Variants in TSPAN4 observed in about 807,000 individuals in gnomAD.
TSPAN4 encodes tetraspanin 4, also known as tetraspanin-4.
A neutral mutation model predicts 31.5 loss-of-function variants in TSPAN4; 38 were observed. The observed-to-expected ratio is 1.21, with a 90% confidence interval of 0.93 to 1.58. The LOEUF (loss-of-function observed/expected upper bound fraction) is 1.58. TSPAN4 is among the 40% of genes most tolerant of loss of function. The pLI is 0.00. For synonymous variants in TSPAN4, 186 were observed against 144.6 expected (o/e 1.29, Z -2.06); for missense variants, 330 against 317.3 (o/e 1.04, Z -0.30).
intron 3 of TSPAN4, among the ~76,000 whole-genome samples, chr11:859,236 C>T (rs1461898515): frequency 1.6e-5 from 2 of 124,580 alleles, no homozygotes; most frequent in Non-Finnish European, 1.7e-5. Context: ...CACTCATCCC[C>T]GCTCACACAC....
At chr11:850,407 G>A in intron 3 of TSPAN4, 40 bp downstream of exon 3, 2 of 1,566,782 alleles carry the variant, frequency 1.3e-6, no homozygotes, top group Non-Finnish European at 1.7e-6. Flanking sequence ...GGAAAGACCC[G>A]GGGTCCCTCC....
At chr11:850,077 C>G in intron 2 of TSPAN4, 1 of 405,598 alleles carries the variant, frequency 2.5e-6, no homozygotes, top group Admixed American at 4.6e-5. Flanking sequence ...CAGCCCCTCT[C>G]CGGAGGGCAA....
chr11:845,245 C>A (rs551659705), intron 1 of TSPAN4, among the ~76,000 whole-genome samples: 1 of 152,292 alleles, frequency 6.6e-6, no homozygotes, highest in Non-Finnish European at 1.5e-5. Context: ...GGGGTGGGTG[C>A]ACACGGCGCC....
chr11:864,129 AC>A, intron 4 of TSPAN4: 1 of 460,868 alleles, frequency 2.2e-6, no homozygotes, highest in Non-Finnish European at 4.0e-6. Flanking sequence ...GGCCTCAGGA[AC>A]AGGGATTTGT....
At chr11:849,961 G>A (rs1847563840) in intron 2 of TSPAN4, 1 of 154,654 alleles carries the variant, frequency 6.5e-6, no homozygotes, top group Non-Finnish European at 1.4e-5. Flanking sequence ...GCGCCGGCCG[G>A]CGGGATGGGG....
At position 846,225 on chromosome 11, in the gene TSPAN4, G is replaced by A. The variant is rs141278726; in HGVS notation, c.-117-976G>A. Reference sequence around the variant, plus strand: ...TGCTGCCCTGCTGCTGGGGCTCAGAGAGGCTGCTCCACGGGCATGGCACCC... The same window carrying A: ...TGCTGCCCTGCTGCTGGGGCTCAGAAAGGCTGCTCCACGGGCATGGCACCC... On this transcript the variant is annotated intron_variant, in intron 1 of 8. Transcript: ENST00000397397. Among the ~76,000 whole-genome samples the A allele has an allele frequency of 5.5e-4, 84 of 152,362 alleles. 1 individual carries two copies. In the East Asian group the frequency reaches 0.016, roughly 28 times the overall value.
chr11:852,130 T>C (rs552226401), intron 3 of TSPAN4, among the ~76,000 whole-genome samples: 3 of 152,158 alleles, frequency 2.0e-5, no homozygotes, highest in South Asian at 4.1e-4. Context: ...TTCTCTCTTT[T>C]TTATCTTTGT....
intron 3 of TSPAN4, chr11:857,917 G>C (rs894991606): frequency 1.3e-5 from 2 of 152,278 alleles, no homozygotes; most frequent in African/African-American, 4.8e-5. Context: ...CTGGTGATCT[G>C]GACCCAGGGC....
rs569721533 is a variant in TSPAN4 at position 848,248 on chromosome 11, C to T, written c.-18+948C>T. Among the ~76,000 whole-genome samples the T allele has an allele frequency of 1.0e-3, 158 of 152,240 alleles. No individual in the cohort carries two copies. Among genetic ancestry groups the T allele is most frequent in the African/African-American group, 3.4e-3 (142 of 41,552 alleles). ...CTGGGGTCTCTGCTGGGCCCCGATGCGTGGCCGCCGTTCTGACCCATTCCT... is the reference window on the plus strand; with the variant it reads ...CTGGGGTCTCTGCTGGGCCCCGATGTGTGGCCGCCGTTCTGACCCATTCCT... On this transcript the variant is annotated intron_variant, in intron 2 of 8. Coordinates refer to ENST00000397397, the MANE Select transcript of TSPAN4 (RefSeq NM_003271.5). This position sits in a 1 kb window ranked among gnomAD's most constrained non-coding sequence, Gnocchi z 5.7.
At chr11:862,234 C>T (rs989054819) in intron 3 of TSPAN4, 12 of 378,842 alleles carry the variant, frequency 3.2e-5, no homozygotes, top group Non-Finnish European at 5.2e-5. Flanking sequence ...GCCTAAGATC[C>T]CGTCCCTTTG....
intron 1 of TSPAN4, chr11:844,325 G>A (rs984972265): frequency 6.6e-6 from 1 of 152,410 alleles, no homozygotes; most frequent in African/African-American, 2.4e-5. Flanking sequence ...CTCAGAGCAA[G>A]GGGTGGTGGG....
At chr11:866,460 T>G in intron 8 of TSPAN4, 102 bp from the exon 9 acceptor site, 1 of 1,072,756 alleles carries the variant, frequency 9.3e-7, no homozygotes, top group South Asian at 1.6e-5. Flanking sequence ...CACCCTGGGG[T>G]CGGGGTCAGG....
chr11:866,972 C>T lies in TSPAN4; in HGVS notation c.*342C>T, dbSNP rs1391286676. ...CCCAGCCTCCTGGAAAACAGGTTGG[C>T]GCTGGAGGAGCCGGGTCTTGGCATC... On this transcript the variant is annotated 3_prime_UTR_variant, in exon 9 of 9. Transcript: ENST00000397397. The T allele has an allele frequency of 8.9e-6, 2 of 225,584 alleles. No homozygotes were observed. The highest frequency in any genetic ancestry group is 2.3e-5 in the African/African-American group (1 of 43,866). The allele number at this position is 225,584 out of a possible 1,614,324, so 14.0% of individuals were successfully genotyped here.
intron 4 of TSPAN4, chr11:863,258 C>T (rs1270665706): frequency 1.3e-5 from 2 of 152,630 alleles, no homozygotes; most frequent in African/African-American, 4.8e-5. Context: ...AAATGTTAAT[C>T]ACAGATAATT....
intron 3 of TSPAN4, among the ~76,000 whole-genome samples, chr11:853,122 TG>T (rs1261968060): frequency 8.0e-6 from 1 of 124,782 alleles, no homozygotes; most frequent in Non-Finnish European, 1.7e-5. Flanking sequence ...TGGGAGGGGT[TG>T]GGGGGCTGGG....
intron 3 of TSPAN4, among the ~76,000 whole-genome samples, chr11:855,927 G>A (rs1848018145): frequency 6.6e-6 from 1 of 152,212 alleles, no homozygotes; most frequent in African/African-American, 2.4e-5. Flanking sequence ...CCACAAAGCC[G>A]CATGGCCAGA....
chr11:857,403 T>TTTTG (rs1554991637), intron 3 of TSPAN4: 2 of 137,560 alleles, frequency 1.5e-5, no homozygotes, highest in Non-Finnish European at 3.1e-5. Flanking sequence ...AGTTTGGGTT[T>TTTTG]TTTTTTTTTT....
intron 3 of TSPAN4, among the ~76,000 whole-genome samples, chr11:860,367 G>A (rs1451285909): frequency 1.3e-5 from 2 of 152,240 alleles, no homozygotes; most frequent in East Asian, 3.9e-4. Context: ...CATCTCCCCA[G>A]CACAGCCTCC....
intron 3 of TSPAN4, among the ~76,000 whole-genome samples, chr11:855,121 C>CTGT (rs1847974597): frequency 6.6e-6 from 1 of 152,092 alleles, no homozygotes; most frequent in Non-Finnish European, 1.5e-5. Context: ...CACCCAGTGA[C>CTGT]ACAGGCCTGG....
Sources: allele counts gnomAD v4.1 joint callset (sites outside exome capture counted in the v4.1 genomes callset), GRCh38; gene constraint gnomAD v4.1.1; non-coding constraint Gnocchi (gnomAD v3.1); transcripts MANE v1.5; gene names NCBI Gene and HGNC (gene_info 2026-07-23, HGNC 2026-07-21).